The following STK32C variants were observed in gnomAD, a reference collection of about 807,000 sequenced individuals.
The protein encoded by STK32C is serine/threonine-protein kinase 32C.
Under a neutral mutation model 56.5 loss-of-function variants are expected in STK32C, and 31 were observed. The ratio of observed to expected loss-of-function variants is 0.55; its 90% CI spans 0.41 to 0.74. STK32C has a LOEUF of 0.74. STK32C is among the 30% of genes least tolerant of loss of function. STK32C has a pLI of 0.00. For missense variants in STK32C, 544 were observed against 676.9 expected, an observed-to-expected ratio of 0.80 and a Z score of 2.18; for synonymous variants, 309 against 289.4, an observed-to-expected ratio of 1.07 and a Z score of -0.69.
chr10:132,229,759 C>T (rs1374743506), intron 2 of STK32C, among the ~76,000 whole-genome samples: 1 of 152,224 alleles, frequency 6.6e-6, no homozygotes. Context: ...CCCTCCCTCC[C>T]GCAAGGGGCC....
intron 1 of STK32C, among the ~76,000 whole-genome samples, chr10:132,263,387 A>T (rs906751191): frequency 5.3e-5 from 8 of 152,200 alleles, no homozygotes; most frequent in African/African-American, 1.9e-4. Context: ...GGAGCTAACC[A>T]CTGGGCACAC....
In STK32C at chr10:132,209,164, C is replaced by T. The variant is rs2062208077; in HGVS notation, c.1252-63G>A. The T allele has an allele frequency of 4.7e-6, 7 of 1,478,258 alleles. No homozygotes were observed. The East Asian group carries it at 6.8e-5, about 14-fold the overall frequency. 91.6% of individuals were successfully genotyped at this position (1,478,258 alleles called of 1,614,324 possible). On this transcript the variant is annotated intron_variant, in intron 10 of 11. Coordinates refer to ENST00000298630, the MANE Select transcript of STK32C (RefSeq NM_173575.4). ...TGTCCAGGTTCCGCCCATGTCCCCT[C>T]AAGTGAGTGTCTGGGCATCCCCATC...
intron 10 of STK32C, among the ~76,000 whole-genome samples, chr10:132,216,891 G>A (rs11146257): frequency 0.044 from 6,696 of 152,306 alleles, 516 homozygotes; most frequent in East Asian, 0.34. Context: ...GAAACACCTG[G>A]ATGTCCAGGC....
chr10:132,233,696 C>A (rs1335615575), intron 2 of STK32C, among the ~76,000 whole-genome samples: 1 of 152,240 alleles, frequency 6.6e-6, no homozygotes, highest in Non-Finnish European at 1.5e-5. Flanking sequence ...GGGAACCCCC[C>A]ATGCCCTATG....
At chr10:132,271,780 A>T (rs373953542) in intron 1 of STK32C, among the ~76,000 whole-genome samples, 61 of 152,202 alleles carry the variant, frequency 4.0e-4, no homozygotes, top group Admixed American at 9.2e-4. Flanking sequence ...ACAGAACAAA[A>T]TTTCCAGGTG....
chr10:132,208,923 G>A, intron 11 of STK32C, 111 bp downstream of exon 11: 5 of 984,134 alleles, frequency 5.1e-6, no homozygotes, highest in Non-Finnish European at 7.7e-6. Flanking sequence ...AGAGAGCAGG[G>A]CCACGCACCC....
At chr10:132,328,818 G>A (rs1050385467) in intron 1 of STK32C, among the ~76,000 whole-genome samples, 6 of 152,370 alleles carry the variant, frequency 3.9e-5, no homozygotes, top group Admixed American at 2.6e-4. Flanking sequence ...AGATGGAGAC[G>A]AGGACAGCCT....
upstream of STK32C, among the ~76,000 whole-genome samples, chr10:132,311,180 C>T (rs1015340949): frequency 1.3e-5 from 2 of 152,238 alleles, no homozygotes; most frequent in African/African-American, 4.8e-5. The surrounding 1 kb of genome is among the most constrained non-coding windows in gnomAD (Gnocchi z 4.4). Context: ...ATGTGTGCTT[C>T]ATCTTCTGTC....
intron 1 of STK32C, among the ~76,000 whole-genome samples, chr10:132,284,425 G>A (rs1343035939): frequency 5.7e-5 from 6 of 105,612 alleles, no homozygotes; most frequent in Non-Finnish European, 1.2e-4. Flanking sequence ...GGTTGGGGGG[G>A]CAGGTGAGGT....
exon 1 of STK32C, chr10:132,331,830 G>C (rs1476707348): frequency 2.0e-6 from 3 of 1,534,924 alleles, no homozygotes; most frequent in Non-Finnish European, 2.6e-6. Context: ...CTTCAAGGCC[G>C]CGGGCGCGGA....
intron 2 of STK32C, among the ~76,000 whole-genome samples, chr10:132,241,097 A>T (rs1184012689): frequency 6.6e-6 from 1 of 152,238 alleles, no homozygotes; most frequent in Admixed American, 6.5e-5. Flanking sequence ...CTCCTAGTTA[A>T]GTGAGGGCCT....
chr10:132,224,190 G>A (rs1010080249), intron 8 of STK32C, among the ~76,000 whole-genome samples: 1 of 152,178 alleles, frequency 6.6e-6, no homozygotes, highest in Non-Finnish European at 1.5e-5. Flanking sequence ...TGACCTGGTA[G>A]GGCTCGCCAT....
chr10:132,208,723 C>T (rs1205689474), intron 11 of STK32C, among the ~76,000 whole-genome samples: 5 of 152,052 alleles, frequency 3.3e-5, no homozygotes, highest in African/African-American at 4.8e-5. Context: ...AGACTGAGGG[C>T]GTGCCTGGGT....
chr10:132,321,706 C>T (rs1208286080), downstream of STK32C, among the ~76,000 whole-genome samples: 3 of 152,198 alleles, frequency 2.0e-5, no homozygotes, highest in Non-Finnish European at 4.4e-5. Flanking sequence ...TGGCAGGCAC[C>T]TGTAATCCCA....
At chr10:132,246,950 C>T (rs1452716684) in intron 1 of STK32C, among the ~76,000 whole-genome samples, 1 of 152,208 alleles carries the variant, frequency 6.6e-6, no homozygotes, top group Non-Finnish European at 1.5e-5. Context: ...GCACTGTGCC[C>T]TGAAGCCAGG....
chr10:132,242,836 A>T (rs1236858476), intron 2 of STK32C, among the ~76,000 whole-genome samples: 1 of 152,214 alleles, frequency 6.6e-6, no homozygotes, highest in African/African-American at 2.4e-5. Flanking sequence ...TCAGCCTCAG[A>T]AGGCAGCCAG....
intron 6 of STK32C, 30 bp from the exon 7 acceptor site, chr10:132,225,366 G>A: frequency 6.3e-7 from 1 of 1,595,868 alleles, no homozygotes; most frequent in Non-Finnish European, 8.5e-7. Flanking sequence ...AAAAACAGCT[G>A]CCACGGGGTC....
upstream of STK32C, chr10:132,331,880 C>G (rs774384829): frequency 1.7e-6 from 2 of 1,184,816 alleles, no homozygotes; most frequent in South Asian, 1.5e-5. Context: ...TGCGCAGGCG[C>G]ACCACCCCCT....
At position 132,268,558 on chromosome 10, in the gene STK32C, T is replaced by TGTGTGC. The variant is rs1279362200; in HGVS notation, c.263-22604_263-22603insGCACAC. On this transcript the variant is annotated intron_variant, in intron 1 of 11. Transcript: ENST00000298630. ...GTCACATTGTGTGTGTGTGTGTGTG[T>TGTGTGC]GTGCCTGCGTGTGTACATGCATGTG... Among the ~76,000 whole-genome samples the TGTGTGC allele has an allele frequency of 1.9e-3, 265 of 143,148 alleles. 3 individuals carry two copies. The highest frequency in any genetic ancestry group is 6.8e-3 in the African/African-American group (259 of 38,130). 93.9% of individuals were successfully genotyped at this position (143,148 alleles called of 152,430 possible). A position where few individuals can be genotyped will look rare whatever the true frequency, so the allele number is the denominator to read the frequency against.
Sources: gnomAD v4.1 joint callset for allele counts (sites outside exome capture counted in the v4.1 genomes callset) on GRCh38, gnomAD v4.1.1 for gene constraint, Gnocchi (gnomAD v3.1) non-coding constraint, MANE v1.5 for transcripts, NCBI Gene and HGNC (gene_info 2026-07-23, HGNC 2026-07-21) for gene names.